The following KIR2DL3 variants were observed in gnomAD, a reference collection of about 807,000 sequenced individuals.
KIR2DL3 encodes the protein killer cell immunoglobulin-like receptor 2DL3.
KIR2DL3 carries 39 observed loss-of-function variants against 33.8 expected under a neutral mutation model. That is an observed-to-expected ratio of 1.15 (90% CI 0.89 to 1.51). The LOEUF (loss-of-function observed/expected upper bound fraction) is 1.51, where lower values mean the gene tolerates loss of function less well. KIR2DL3 is among the 40% of genes most tolerant of loss of function. KIR2DL3 has a pLI of 0.00. For missense variants in KIR2DL3, 462 were observed against 426.2 expected (o/e 1.08, Z -0.74); for synonymous variants, 174 against 160.2 (o/e 1.09, Z -0.65).
intron 5 of KIR2DL3, among the ~76,000 whole-genome samples, chr19:54,750,268 A>T (rs1310405397): frequency 7.4e-6 from 1 of 135,492 alleles, no homozygotes; most frequent in Non-Finnish European, 1.6e-5. Context: ...GTGAGTCCAG[A>T]TCTTGGAATC....
chr19:54,747,025 T>C (rs1474541976), intron 4 of KIR2DL3, among the ~76,000 whole-genome samples: 2 of 141,452 alleles, frequency 1.4e-5, no homozygotes, highest in East Asian at 3.9e-4. Context: ...GCATGGATTA[T>C]ATCTGTGTTC....
At chr19:54,741,389 C>T (rs1240930258) in intron 2 of KIR2DL3, among the ~76,000 whole-genome samples, 42 of 151,956 alleles carry the variant, frequency 2.8e-4, no homozygotes, top group African/African-American at 8.2e-4. Flanking sequence ...AGGTTGGCTA[C>T]CCTGAGATCA....
At chr19:54,741,124 C>T (rs1555895269) in intron 2 of KIR2DL3, among the ~76,000 whole-genome samples, 2 of 150,106 alleles carry the variant, frequency 1.3e-5, no homozygotes, top group African/African-American at 4.9e-5. Flanking sequence ...TGATAATTTT[C>T]TACAGCAGCA....
intron 4 of KIR2DL3, among the ~76,000 whole-genome samples, chr19:54,746,176 G>A (rs1220328218): frequency 7.4e-6 from 1 of 134,794 alleles, no homozygotes; most frequent in East Asian, 2.0e-4. Flanking sequence ...TTTCTCTGAT[G>A]ATGAGTGAAA....
At chr19:54,742,405 G>T in intron 3 of KIR2DL3, 126 bp downstream of exon 3, 1 of 1,385,634 alleles carries the variant, frequency 7.2e-7, no homozygotes, top group East Asian at 2.3e-5. Flanking sequence ...GACTTGCTGA[G>T]GTTTGTACCA....
intron 4 of KIR2DL3, among the ~76,000 whole-genome samples, chr19:54,747,003 T>G (rs904708402): frequency 2.1e-5 from 3 of 142,410 alleles, no homozygotes; most frequent in African/African-American, 5.2e-5. Context: ...GAAAAAAACA[T>G]TGGAGGTAAA....
At chr19:54,744,342 G>C (rs1162678494) in intron 4 of KIR2DL3, among the ~76,000 whole-genome samples, 6 of 152,200 alleles carry the variant, frequency 3.9e-5, no homozygotes, top group South Asian at 2.1e-4. Flanking sequence ...CCAGAGGAGA[G>C]AGACTGGGCT....
At chr19:54,744,816 C>T (rs1210153926) in intron 4 of KIR2DL3, among the ~76,000 whole-genome samples, 26 of 148,454 alleles carry the variant, frequency 1.8e-4, no homozygotes, top group Non-Finnish European at 2.8e-4. Flanking sequence ...TGAGCCACCA[C>T]GCCCAGCCAC....
chr19:54,749,152 G>A (rs1315534950), intron 5 of KIR2DL3, among the ~76,000 whole-genome samples: 4 of 150,842 alleles, frequency 2.7e-5, no homozygotes, highest in African/African-American at 9.8e-5. Context: ...ATGATGTGGG[G>A]AGAATGACAA....
chr19:54,746,407 A>G (rs1327081767), intron 4 of KIR2DL3, among the ~76,000 whole-genome samples: 7 of 145,700 alleles, frequency 4.8e-5, no homozygotes, highest in South Asian at 4.7e-4. Flanking sequence ...GGTAATCCCA[A>G]TGGTCTATTT....
At chr19:54,740,730 C>T (rs1402444772) in intron 2 of KIR2DL3, among the ~76,000 whole-genome samples, 26 of 152,024 alleles carry the variant, frequency 1.7e-4, no homozygotes, top group Admixed American at 1.2e-3. Flanking sequence ...GTGATGACTA[C>T]ATTCTAATCC....
intron 2 of KIR2DL3, among the ~76,000 whole-genome samples, chr19:54,740,786 G>T (rs2070912462): frequency 6.6e-6 from 1 of 152,094 alleles, no homozygotes; most frequent in Admixed American, 6.6e-5. Context: ...GACTGAAGGG[G>T]AAGATGGAGC....
Position 54,747,398 on chromosome 19 carries a change from C to A in KIR2DL3, c.715+13C>A, listed in dbSNP as rs762241430. ...AGCTCCGAAACCGGTGAGTACAGAA[C>A]CCTCTTATATCCGCTTTTGGAAACC... On this transcript the variant is annotated intron_variant, in intron 5 of 7. Transcript: ENST00000342376. The A allele has an allele frequency of 2.6e-5, 42 of 1,609,816 alleles. No individual in the cohort carries two copies. Among genetic ancestry groups the A allele is most frequent in the Admixed American group, 1.7e-4 (10 of 59,910 alleles).
At chr19:54,744,208 A>C (rs1366385182) in intron 4 of KIR2DL3, 120 bp downstream of exon 4, 47 of 1,485,158 alleles carry the variant, frequency 3.2e-5, no homozygotes, top group Non-Finnish European at 4.2e-5. Context: ...CTTGGGTGTG[A>C]GGGAGGGATC....
Position 54,751,482 on chromosome 19 carries a change from A to T in KIR2DL3, c.716-167A>T, listed in dbSNP as rs566051784. On this transcript the variant is annotated intron_variant, in intron 5 of 7. Coordinates refer to ENST00000342376, the MANE Select transcript of KIR2DL3 (RefSeq NM_015868.3). Reference sequence around the variant, plus strand: ...ATCCTCAACACGTTCTATGGTTACTATGAGAGCTATAACTGAGAAAGCAGG... The same window carrying T: ...ATCCTCAACACGTTCTATGGTTACTTTGAGAGCTATAACTGAGAAAGCAGG... 1.7e-4 allele frequency among the ~76,000 whole-genome samples: 23 copies of T among 132,668 alleles called. 2 individuals carry two copies. The highest frequency in any genetic ancestry group is 5.7e-4 in the African/African-American group (20 of 34,980). The allele number at this position is 132,668 out of a possible 152,430, so 87.0% of individuals were successfully genotyped here. A position where few individuals can be genotyped will look rare whatever the true frequency, so the allele number is the denominator to read the frequency against.
chr19:54,744,942 A>ATC (rs2072147667), intron 4 of KIR2DL3, among the ~76,000 whole-genome samples: 3 of 24,218 alleles, frequency 1.2e-4, no homozygotes, highest in African/African-American at 4.0e-4. Flanking sequence ...ATATATATAT[A>ATC]TATATATATA....
chr19:54,740,587 A>T (rs2070859797), intron 2 of KIR2DL3, among the ~76,000 whole-genome samples: 1 of 150,766 alleles, frequency 6.6e-6, no homozygotes, highest in African/African-American at 2.4e-5. Context: ...TCCTTGTCCC[A>T]CCTCCTGAAT....
chr19:54,739,425 C>T, intron 1 of KIR2DL3, 82 bp from the exon 2 acceptor site: 1 of 1,608,326 alleles, frequency 6.2e-7, no homozygotes, highest in Admixed American at 1.7e-5. Context: ...GCCTGGCTGC[C>T]AAGACTCACA....
chr19:54,742,855 C>G (rs1221420928), intron 3 of KIR2DL3, among the ~76,000 whole-genome samples: 2 of 151,272 alleles, frequency 1.3e-5, no homozygotes, highest in East Asian at 3.9e-4. Context: ...CAAATAACCC[C>G]ACATATGAAA....
Sources: gnomAD v4.1 joint callset for allele counts (sites outside exome capture counted in the v4.1 genomes callset) on GRCh38, gnomAD v4.1.1 for gene constraint, MANE v1.5 for transcripts, NCBI Gene and HGNC (gene_info 2026-07-23, HGNC 2026-07-21) for gene names.